KHDRBS3: variants seen among roughly 807,000 people sequenced by gnomAD.
KHDRBS3 encodes the protein KH RNA binding domain containing, signal transduction associated 3, also known as KH domain-containing, RNA-binding, signal transduction-associated protein 3.
A neutral mutation model predicts 45.6 loss-of-function variants in KHDRBS3; 23 were observed. The ratio of observed to expected loss-of-function variants is 0.50; its 90% CI spans 0.36 to 0.72. KHDRBS3 has a LOEUF of 0.72. KHDRBS3 is among the 30% of genes least tolerant of loss of function. KHDRBS3 has a pLI of 0.00. For missense variants in KHDRBS3, 352 were observed against 424.8 expected (o/e 0.83, Z 1.51); for synonymous variants, 162 against 156.5 (o/e 1.04, Z -0.26).
chr8:135,551,026 G>C (rs1826564839), intron 4 of KHDRBS3, among the ~76,000 whole-genome samples: 1 of 152,004 alleles, frequency 6.6e-6, no homozygotes, highest in East Asian at 1.9e-4. Flanking sequence ...ATTTTCAGAT[G>C]ATTACTAGTG....
At chr8:135,461,664 T>C (rs1257062967) in intron 1 of KHDRBS3, among the ~76,000 whole-genome samples, 1 of 152,186 alleles carries the variant, frequency 6.6e-6, no homozygotes, top group South Asian at 2.1e-4. Flanking sequence ...TTAATCCAAG[T>C]CTCTGATATT....
intron 1 of KHDRBS3, among the ~76,000 whole-genome samples, chr8:135,495,246 T>G (rs1823378486): frequency 6.6e-6 from 1 of 152,210 alleles, no homozygotes; most frequent in African/African-American, 2.4e-5. Flanking sequence ...TCATCTCTCT[T>G]TGGAGGGGCT....
chr8:135,653,564 T>C (rs1831472110), intron 4 of KHDRBS3, among the ~76,000 whole-genome samples: 1 of 152,232 alleles, frequency 6.6e-6, no homozygotes, highest in Non-Finnish European at 1.5e-5. Context: ...TGCCAGGCAA[T>C]GGCAGTGAGC....
chr8:135,478,637 A>G lies in KHDRBS3; in HGVS notation c.88+20683A>G, dbSNP rs185359078. ...GAAATTATGCAAAAGATATTTTCCA[A>G]CCACAGTAGAATGGGATTAAGAATC... On this transcript the variant is annotated intron_variant, in intron 1 of 8. Coordinates refer to ENST00000355849, the MANE Select transcript of KHDRBS3 (RefSeq NM_006558.3). Among the ~76,000 whole-genome samples the G allele has an allele frequency of 2.0e-4, 31 of 152,332 alleles. No individual in the cohort carries two copies. In the East Asian group the frequency reaches 5.0e-3, roughly 25 times the overall value.
In KHDRBS3 at chr8:135,581,907, T is replaced by C. The variant is rs143501901; in HGVS notation, c.641T>C (p.Val214Ala). ...RGRGGVTARP[V>A]GVVVPRGTPT... ...AGGGGAGGAGTTACAGCCCGGCCAG[T>C]TGGAGTTGTAGTACCACGAGGGACG... is the stretch of plus-strand genomic sequence containing the variant. Residue 214 changes from valine (V) to alanine (A), a missense_variant, in exon 6 of 9, where the codon GTT becomes GCT. This residue lies in a region of KHDRBS3 where 212 missense variants were observed against 209.6 expected (regional missense o/e 1.01). Coordinates refer to ENST00000355849, the MANE Select transcript of KHDRBS3 (RefSeq NM_006558.3). The C allele has an allele frequency of 3.4e-5, 54 of 1,605,638 alleles. No individual in the cohort carries two copies. The highest frequency in any genetic ancestry group is 1.7e-4 in the Middle Eastern group (1 of 6,050).
chr8:135,579,675 G>T (rs978886953), intron 5 of KHDRBS3, among the ~76,000 whole-genome samples: 1 of 152,164 alleles, frequency 6.6e-6, no homozygotes, highest in South Asian at 2.1e-4. Flanking sequence ...ACTGAAAGTT[G>T]TTATGAATGA....
At chr8:135,509,549 C>T (rs1824171610) in intron 1 of KHDRBS3, among the ~76,000 whole-genome samples, 1 of 152,144 alleles carries the variant, frequency 6.6e-6, no homozygotes, top group African/African-American at 2.4e-5. Context: ...TTTTAACAAA[C>T]CTATGAAATT....
chr8:135,559,368 T>G (rs1827056622), intron 5 of KHDRBS3, among the ~76,000 whole-genome samples: 1 of 152,174 alleles, frequency 6.6e-6, no homozygotes, highest in Non-Finnish European at 1.5e-5. Context: ...TTATTTATTT[T>G]TTGAGATGGA....
At chr8:135,547,106 G>A (rs192538947) in intron 3 of KHDRBS3, among the ~76,000 whole-genome samples, 1 of 152,322 alleles carries the variant, frequency 6.6e-6, no homozygotes, top group African/African-American at 2.4e-5. Flanking sequence ...AGCAATGAGA[G>A]AGATTCAGAT....
chr8:135,631,443 A>G (rs1454883470), intron 7 of KHDRBS3, among the ~76,000 whole-genome samples: 1 of 152,066 alleles, frequency 6.6e-6, no homozygotes, highest in East Asian at 1.9e-4. Context: ...CTGTTTTTAA[A>G]CTAATGTTTT....
intron 1 of KHDRBS3, among the ~76,000 whole-genome samples, chr8:135,485,814 G>A (rs1324119062): frequency 7.3e-6 from 1 of 136,492 alleles, no homozygotes; most frequent in Admixed American, 7.4e-5. Flanking sequence ...ACACTATGAG[G>A]TATGCAGGAT....
chr8:135,608,073 G>T (rs1829546401), intron 7 of KHDRBS3, among the ~76,000 whole-genome samples: 1 of 152,114 alleles, frequency 6.6e-6, no homozygotes, highest in Non-Finnish European at 1.5e-5. Context: ...CCAGTGACTG[G>T]CATGTGGTGA....
intron 1 of KHDRBS3, among the ~76,000 whole-genome samples, chr8:135,480,473 C>T (rs1822505873): frequency 6.6e-6 from 1 of 152,094 alleles, no homozygotes; most frequent in African/African-American, 2.4e-5. Context: ...TGGAATATTT[C>T]TTCTGATAAT....
intron 1 of KHDRBS3, among the ~76,000 whole-genome samples, chr8:135,507,766 C>G (rs960685212): frequency 1.3e-5 from 2 of 152,114 alleles, no homozygotes; most frequent in African/African-American, 4.8e-5. Context: ...GAAGACAGGT[C>G]TCATTTTCAG....
intron 4 of KHDRBS3, among the ~76,000 whole-genome samples, chr8:135,550,249 G>C (rs1368371011): frequency 6.6e-6 from 1 of 152,228 alleles, no homozygotes; most frequent in Admixed American, 6.5e-5. Context: ...TGACCCTTAC[G>C]ATCCTTCCCC....
intron 1 of KHDRBS3, among the ~76,000 whole-genome samples, chr8:135,476,463 A>G (rs934996678): frequency 6.6e-6 from 1 of 152,160 alleles, no homozygotes; most frequent in African/African-American, 2.4e-5. Flanking sequence ...TAATAAGAAT[A>G]TATTGTGCTC....
intron 1 of KHDRBS3, chr8:135,458,934 G>T (rs1240672894): frequency 8.8e-6 from 4 of 456,140 alleles, no homozygotes; most frequent in African/African-American, 2.0e-5. Flanking sequence ...TCCTTCCTGG[G>T]AGCAGTCTCC....
intron 1 of KHDRBS3, among the ~76,000 whole-genome samples, chr8:135,465,685 C>T (rs1421357112): frequency 6.6e-6 from 1 of 152,184 alleles, no homozygotes; most frequent in Non-Finnish European, 1.5e-5. Flanking sequence ...CAGCCTCTTT[C>T]CACAAGCACA....
At chr8:135,480,356 G>A (rs28459870) in intron 1 of KHDRBS3, among the ~76,000 whole-genome samples, 19,373 of 152,112 alleles carry the variant, frequency 0.13, 2,578 homozygotes, top group African/African-American at 0.34. Flanking sequence ...GTATTTGTAG[G>A]TGGTAATCTT....
Sources: gnomAD v4.1 joint callset for allele counts (sites outside exome capture counted in the v4.1 genomes callset) on GRCh38, gnomAD v4.1.1 for gene constraint, gnomAD v4.1.1 regional missense constraint, MANE v1.5 for transcripts, NCBI Gene and HGNC (gene_info 2026-07-23, HGNC 2026-07-21) for gene names.